Variants in TRIM51G observed in about 807,000 individuals in gnomAD.
TRIM51G encodes the protein tripartite motif-containing 51G.
chr11:48,980,177 C>A, the TRIM51G span, among the ~76,000 whole-genome samples: 1 of 151,968 alleles, frequency 6.6e-6, no homozygotes, highest in African/African-American at 2.4e-5. Context: ...TTGACCTAGA[C>A]TAGGTACTCA....
At chr11:48,977,222 A>C in the TRIM51G span, 33 of 866,918 alleles carry the variant, frequency 3.8e-5, 1 homozygote, top group Non-Finnish European at 5.9e-5. Context: ...CAACAGCCAA[A>C]AAAATACATA....
the TRIM51G span, among the ~76,000 whole-genome samples, chr11:48,977,356 C>G: frequency 3.6e-3 from 549 of 152,244 alleles, 4 homozygotes; most frequent in Non-Finnish European, 2.2e-3. Context: ...CATTTTCAAG[C>G]ACGATGGAAA....
chr11:48,978,378 AG>A, the TRIM51G span, among the ~76,000 whole-genome samples: 1 of 152,114 alleles, frequency 6.6e-6, no homozygotes, highest in African/African-American at 2.4e-5. Flanking sequence ...TCTTTTTACA[AG>A]TGAAGGGAGA....
chr11:48,977,136 A>C, the TRIM51G span: 14 of 1,286,816 alleles, frequency 1.1e-5, no homozygotes, highest in East Asian at 3.3e-4. Flanking sequence ...CCTGCACTGA[A>C]CTCTGGATTC....
chr11:48,979,473 A>C, the TRIM51G span, among the ~76,000 whole-genome samples: 1 of 152,148 alleles, frequency 6.6e-6, no homozygotes, highest in Non-Finnish European at 1.5e-5. Context: ...TAAAACCATT[A>C]TATGACAAAT....
the TRIM51G span, among the ~76,000 whole-genome samples, chr11:48,977,597 C>G: frequency 6.6e-6 from 1 of 152,142 alleles, no homozygotes; most frequent in Non-Finnish European, 1.5e-5. Context: ...GCAGGGAGAT[C>G]TGCCTTTAAT....
chr11:48,979,948 T>A, the TRIM51G span, among the ~76,000 whole-genome samples: 1 of 151,920 alleles, frequency 6.6e-6, no homozygotes, highest in East Asian at 1.9e-4. Flanking sequence ...CATGAGCCTT[T>A]TGTCTGACCA....
At chr11:48,979,061 A>G in the TRIM51G span, 1 of 862,164 alleles carries the variant, frequency 1.2e-6, no homozygotes, top group East Asian at 2.4e-5. Flanking sequence ...CCATCTTATG[A>G]TATTCAGCTC....
At chr11:48,982,951 ATATACATAT>A in the TRIM51G span, among the ~76,000 whole-genome samples, 5 of 4,070 alleles carry the variant, frequency 1.2e-3, no homozygotes, top group African/African-American at 2.1e-3. Context: ...TTTTTGGTAT[ATATACATAT>A]ATATATATAT....
the TRIM51G span, among the ~76,000 whole-genome samples, chr11:48,979,772 G>C: frequency 6.9e-6 from 1 of 145,000 alleles, no homozygotes; most frequent in Non-Finnish European, 1.5e-5. Flanking sequence ...ACATGTATCT[G>C]TGTGTACATA....
the TRIM51G span, among the ~76,000 whole-genome samples, chr11:48,976,884 T>C: frequency 7.9e-5 from 12 of 151,850 alleles, no homozygotes; most frequent in African/African-American, 2.9e-4. Context: ...GCCCAGAATA[T>C]ATTTGTTTTT....
the TRIM51G span, among the ~76,000 whole-genome samples, chr11:48,976,753 C>A: frequency 2.6e-5 from 4 of 152,124 alleles, 1 homozygote; most frequent in Non-Finnish European, 5.9e-5. Context: ...TACAGTAAAG[C>A]AATGTAAAAT....
At chr11:48,979,911 A>C in the TRIM51G span, among the ~76,000 whole-genome samples, 2 of 151,624 alleles carry the variant, frequency 1.3e-5, no homozygotes, top group African/African-American at 4.8e-5. Flanking sequence ...GCTCCTGATC[A>C]AGGTTTTGCT....
chr11:48,978,172 A>G, the TRIM51G span: 1 of 532,350 alleles, frequency 1.9e-6, no homozygotes, highest in East Asian at 5.5e-5. Context: ...TGTAAAAAAA[A>G]TAGAAAGGCT....
the TRIM51G span, chr11:48,976,078 A>G: frequency 2.6e-6 from 1 of 377,842 alleles, no homozygotes; most frequent in Non-Finnish European, 5.1e-6. Flanking sequence ...TGTTCTACCA[A>G]GAATTTACTT....
the TRIM51G span, among the ~76,000 whole-genome samples, chr11:48,980,517 C>T: frequency 6.6e-6 from 1 of 152,130 alleles, no homozygotes; most frequent in African/African-American, 2.4e-5. Context: ...TATACTTGCC[C>T]ACCAGCATTC....
chr11:48,980,306 G>A, the TRIM51G span, among the ~76,000 whole-genome samples: 2 of 151,918 alleles, frequency 1.3e-5, no homozygotes, highest in Non-Finnish European at 2.9e-5. Flanking sequence ...AGTCCTTAGA[G>A]TTCTCCTTAT....
chr11:48,980,934 A>T, the TRIM51G span: 1 of 496,714 alleles, frequency 2.0e-6, no homozygotes, highest in Non-Finnish European at 4.1e-6. Context: ...GTTGGTTGCC[A>T]TATTCAGGTT....
At chr11:48,983,340 C>T in the TRIM51G span, among the ~76,000 whole-genome samples, 1 of 150,712 alleles carries the variant, frequency 6.6e-6, no homozygotes, top group East Asian at 2.0e-4. Context: ...CCATTTTTAA[C>T]TCATCATTGC....
Sources: allele counts gnomAD v4.1 joint callset (sites outside exome capture counted in the v4.1 genomes callset), GRCh38; gene constraint gnomAD v4.1.1; transcripts MANE v1.5; gene names NCBI Gene and HGNC (gene_info 2026-07-23, HGNC 2026-07-21).